Variants in ASH2L observed in about 807,000 individuals in gnomAD.
The protein encoded by ASH2L is ASH2 like, histone lysine methyltransferase complex subunit, also known as set1/Ash2 histone methyltransferase complex subunit ASH2.
ASH2L carries 30 observed loss-of-function variants against 81.1 expected under a neutral mutation model. The observed-to-expected ratio is 0.37, with a 90% CI of 0.28 to 0.50. The LOEUF (loss-of-function observed/expected upper bound fraction) is 0.50. ASH2L is among the 20% of genes least tolerant of loss of function. The probability of loss-of-function intolerance (pLI) is 0.95; values close to 1 mark genes in which losing one functional copy is unlikely to be tolerated. For synonymous variants in ASH2L, 273 were observed against 279.9 expected (o/e 0.98, Z 0.24); for missense variants, 559 against 792.1 (o/e 0.71, Z 3.53).
At chr8:38,105,872 C>A in intron 1 of ASH2L, 134 bp downstream of exon 1, 1 of 1,439,476 alleles carries the variant, frequency 6.9e-7, no homozygotes, top group Non-Finnish European at 9.1e-7. Flanking sequence ...TGCCTCTGCG[C>A]CGCTTGGCCC....
At chr8:38,126,857 A>AAAAAAAAAAAG (rs1801867889) in intron 10 of ASH2L, among the ~76,000 whole-genome samples, 1 of 150,604 alleles carries the variant, frequency 6.6e-6, no homozygotes, top group Non-Finnish European at 1.5e-5. Flanking sequence ...CTGTCTCAAA[A>AAAAAAAAAAAG]AAGAAAGAAA....
At chr8:38,105,827 C>G in intron 1 of ASH2L, 89 bp downstream of exon 1, 2 of 1,460,820 alleles carry the variant, frequency 1.4e-6, no homozygotes, top group Non-Finnish European at 1.8e-6. Context: ...CGCCCGCCCC[C>G]TGCGAACCCA....
intron 10 of ASH2L, among the ~76,000 whole-genome samples, 189 bp downstream of exon 10, chr8:38,121,338 TATATATATA>T (rs1563255680): frequency 0.056 from 6,274 of 112,896 alleles, 352 homozygotes; most frequent in Non-Finnish European, 0.065. Flanking sequence ...TTTATTTATA[TATATATATA>T]TATATATATA....
At position 38,105,749 on chromosome 8, in the gene ASH2L, C is replaced by T. The variant is rs1347095326; in HGVS notation, c.188+11C>T. The T allele has an allele frequency of 2.0e-6, 3 of 1,508,030 alleles. No individual in the cohort carries two copies. The highest frequency in any genetic ancestry group is 2.7e-6 in the Non-Finnish European group (3 of 1,131,810). The allele number at this position is 1,508,030 out of a possible 1,614,324, so 93.4% of individuals were successfully genotyped here. A position where few individuals can be genotyped will look rare whatever the true frequency, so the allele number is the denominator to read the frequency against. ...GGAGGCTGAAGGCGGGTAAGAGGTC[C>T]TGCCGCCCGAGGAAGACGCGGGAGG... On this transcript the variant is annotated intron_variant, in intron 1 of 15. Transcript: ENST00000343823.
intron 8 of ASH2L, among the ~76,000 whole-genome samples, chr8:38,118,628 C>A (rs1226193341): frequency 6.6e-6 from 1 of 152,186 alleles, no homozygotes; most frequent in South Asian, 2.1e-4. Context: ...CCTAGCAAAT[C>A]GAAAGCCTTC....
At chr8:38,128,991 G>A (rs753907939) in intron 12 of ASH2L, 40 bp downstream of exon 12, 4 of 1,589,230 alleles carry the variant, frequency 2.5e-6, no homozygotes, top group African/African-American at 1.4e-5. Context: ...GGCTTTGAAG[G>A]CCTGTGGCAG....
chr8:38,117,754 T>A (rs2130508260), intron 8 of ASH2L: 1 of 152,368 alleles, frequency 6.6e-6, no homozygotes, highest in Middle Eastern at 3.4e-3. Flanking sequence ...AAAATGCAAA[T>A]GACAATTAAA....
At chr8:38,135,798 C>A in intron 14 of ASH2L, 32 bp downstream of exon 14, 1 of 1,519,406 alleles carries the variant, frequency 6.6e-7, no homozygotes, top group Non-Finnish European at 9.0e-7. Flanking sequence ...ATGAGCAAAA[C>A]TTGAGGGAAG....
In ASH2L at chr8:38,128,339, A is replaced by G; in HGVS notation, c.1214A>G (p.Lys405Arg). 6.2e-7 allele frequency: 1 copy of G among 1,614,174 alleles called. No homozygotes were observed. The highest frequency in any genetic ancestry group is 8.5e-7 in the Non-Finnish European group (1 of 1,180,032). ...GACCGGCTGACTGTGGTTGGAGAGA[A>G]GGGCTACTCTATGGTGAGGGCCTCT... Reference protein sequence around the residue: ...SDDRLTVVGEKGYSMVRASHG... With the variant: ...SDDRLTVVGERGYSMVRASHG... The change falls in exon 11 of 16, where the codon AAG becomes AGG. Residue 405 changes from lysine (K) to arginine (R), a missense_variant. Lys to Arg is a conservative substitution (Grantham distance 26). This residue lies in a region of ASH2L where 318 missense variants were observed against 527.0 expected (regional missense o/e 0.60). Transcript: ENST00000343823.
At chr8:38,134,430 C>G (rs1395919656) in intron 13 of ASH2L, among the ~76,000 whole-genome samples, 1 of 152,138 alleles carries the variant, frequency 6.6e-6, no homozygotes, top group African/African-American at 2.4e-5. Context: ...GGGAGGGAAC[C>G]TGGAGTGGGA....
Position 38,114,202 on chromosome 8 carries a change from C to A in ASH2L, c.596C>A (p.Pro199Gln). The A allele has an allele frequency of 6.4e-7, 1 of 1,573,574 alleles. No homozygotes were observed. The highest frequency in any genetic ancestry group is 8.6e-7 in the Non-Finnish European group (1 of 1,158,156). The change falls in exon 6 of 16, where the codon CCA becomes CAA. Residue 199 changes from proline (P) to glutamine (Q), a missense_variant. Physicochemically the swap from Pro to Gln is moderately conservative, Grantham distance 76. This residue lies in a region of ASH2L where 318 missense variants were observed against 527.0 expected (regional missense o/e 0.60). Coordinates refer to ENST00000343823, the MANE Select transcript of ASH2L (RefSeq NM_004674.5). ...TMFSKDKDII[P>Q]FIDKYWECMT... is the part of the protein sequence containing the mutation. ...TATTTTGAAAATTAGGATATTATAC[C>A]ATTTATTGATAAATACTGGGAGTGC...
intron 11 of ASH2L, 111 bp from the exon 12 acceptor site, chr8:38,128,647 A>G (rs1003032108): frequency 5.3e-6 from 8 of 1,517,726 alleles, no homozygotes; most frequent in South Asian, 3.8e-5. Context: ...TTTTTAAGCA[A>G]TTTTACAAAA....
intron 10 of ASH2L, chr8:38,124,359 C>T (rs1801746122): frequency 6.6e-6 from 1 of 151,962 alleles, no homozygotes; most frequent in East Asian, 1.9e-4. Context: ...GCACACATCA[C>T]TGCACCCAGC....
intron 12 of ASH2L, among the ~76,000 whole-genome samples, chr8:38,132,670 A>G (rs1802105359): frequency 6.6e-6 from 1 of 151,156 alleles, no homozygotes; most frequent in Non-Finnish European, 1.5e-5. Flanking sequence ...GTGGTGGCAC[A>G]TGCCTGTAAT....
At chr8:38,136,620 C>T (rs1802266953) in intron 14 of ASH2L, among the ~76,000 whole-genome samples, 2 of 150,416 alleles carry the variant, frequency 1.3e-5, no homozygotes, top group Admixed American at 6.6e-5. Context: ...ACTGAAGATA[C>T]AAAAATTAGC....
In ASH2L at chr8:38,106,414, G is replaced by A. The variant is rs759550168; in HGVS notation, c.225G>A (p.Glu75=). 2.3e-4 allele frequency: 378 copies of A among 1,613,992 alleles called. 4 individuals carry two copies. In the South Asian group the frequency reaches 3.0e-3, roughly 13 times the overall value. ...TGGTCGATGTAAGCGGTGGCTTGGA[G>A]ACAGAATCATCTAATGGAAAAGATA... The part of the protein sequence containing the change: ...ANLVDVSGGL[E]TESSNGKDTL... Residue 75 remains glutamate (E), a synonymous_variant, in exon 2 of 16, where the codon GAG becomes GAA. Coordinates refer to ENST00000343823, the MANE Select transcript of ASH2L (RefSeq NM_004674.5).
rs1811037287 is a variant in ASH2L at position 38,119,334 on chromosome 8, G to C, written c.918G>C (p.Gly306=). 4 of 1,546,502 alleles carry C rather than the reference G, an allele frequency of 2.6e-6. No individual in the cohort carries two copies. In the East Asian group the frequency reaches 9.9e-5, roughly 38 times the overall value. ...RGAKRKQQDG[G]TTGTTKKARS... is the part of the protein sequence containing the mutation. ...CCAAGCGCAAACAGCAGGATGGAGGGACCACAGGGACCACCAAGAAGGCCC... is the reference window on the plus strand; with the variant it reads ...CCAAGCGCAAACAGCAGGATGGAGGCACCACAGGGACCACCAAGAAGGCCC... The change falls in exon 9 of 16, where the codon GGG becomes GGC. Residue 306 remains glycine, a synonymous_variant. Coordinates refer to ENST00000343823, the MANE Select transcript of ASH2L (RefSeq NM_004674.5).
intron 9 of ASH2L, among the ~76,000 whole-genome samples, chr8:38,120,234 A>G (rs1563254822): frequency 6.6e-6 from 1 of 152,208 alleles, no homozygotes; most frequent in Non-Finnish European, 1.5e-5. Context: ...TCTGGTGATA[A>G]GCCTGGGGAA....
intron 1 of ASH2L, chr8:38,106,106 C>G: frequency 6.6e-7 from 1 of 1,525,992 alleles, no homozygotes. Context: ...AGCTGCCTCT[C>G]TTTGAACCTC....
Sources: allele counts gnomAD v4.1 joint callset (sites outside exome capture counted in the v4.1 genomes callset), GRCh38; gene constraint gnomAD v4.1.1; regional missense constraint gnomAD v4.1.1; transcripts MANE v1.5; gene names NCBI Gene and HGNC (gene_info 2026-07-23, HGNC 2026-07-21).